The following LARGE1 variants were observed in gnomAD, a reference collection of about 807,000 sequenced individuals.
The protein encoded by LARGE1 is LARGE xylosyl- and glucuronyltransferase 1, also known as xylosyl- and glucuronyltransferase LARGE1.
Under a neutral mutation model 87.6 loss-of-function variants are expected in LARGE1, and 43 were observed. That is an observed-to-expected ratio of 0.49 (90% CI 0.38 to 0.63). LARGE1 has a LOEUF of 0.63. Among genes scored for constraint, LARGE1 ranks in the 30% least tolerant of loss-of-function variants. LARGE1 has a pLI of 0.00. For synonymous variants in LARGE1, 434 were observed against 394.6 expected (o/e 1.10, Z -1.18); for missense variants, 802 against 1,000.2 (o/e 0.80, Z 2.67).
At chr22:33,798,079 C>T (rs2086041564) in intron 1 of LARGE1, among the ~76,000 whole-genome samples, 1 of 152,158 alleles carries the variant, frequency 6.6e-6, no homozygotes, top group Admixed American at 6.5e-5. Flanking sequence ...TTGAGACCAG[C>T]CTGGCCAACA....
intron 6 of LARGE1, among the ~76,000 whole-genome samples, chr22:33,530,080 T>C (rs1448824429): frequency 6.6e-6 from 1 of 152,172 alleles, no homozygotes; most frequent in Non-Finnish European, 1.5e-5. Flanking sequence ...CTATCAGATG[T>C]AAAGAGAAGT....
chr22:33,627,319 T>A (rs993013068), intron 3 of LARGE1, among the ~76,000 whole-genome samples: 1 of 152,188 alleles, frequency 6.6e-6, no homozygotes, highest in Non-Finnish European at 1.5e-5. Context: ...GACATCATTA[T>A]CCAGCCTCGG....
chr22:33,791,952 T>G (rs954101205), intron 1 of LARGE1, among the ~76,000 whole-genome samples: 2 of 152,250 alleles, frequency 1.3e-5, no homozygotes, highest in Non-Finnish European at 2.9e-5. Context: ...CCTCGTTTAC[T>G]ACTCACAACA....
chr22:33,374,069 A>T (rs9619343), intron 9 of LARGE1, among the ~76,000 whole-genome samples: 1,681 of 151,426 alleles, frequency 0.011, 24 homozygotes, highest in African/African-American at 0.032. Flanking sequence ...GCTTTTCTTG[A>T]CATGTCGGAA....
chr22:33,904,584 T>TA (rs746562199), intron 1 of LARGE1, among the ~76,000 whole-genome samples: 2 of 152,064 alleles, frequency 1.3e-5, no homozygotes, highest in Non-Finnish European at 2.9e-5. Context: ...ACCAAGCCAA[T>TA]ACAGAAGAAG....
intron 1 of LARGE1, among the ~76,000 whole-genome samples, chr22:33,872,778 A>G (rs896648101): frequency 2.6e-5 from 4 of 152,046 alleles, no homozygotes; most frequent in African/African-American, 9.7e-5. Context: ...CGGGTGGATG[A>G]CCTGAGGTCA....
chr22:33,894,235 C>T (rs2065076334), intron 1 of LARGE1, among the ~76,000 whole-genome samples: 2 of 152,170 alleles, frequency 1.3e-5, no homozygotes, highest in Admixed American at 1.3e-4. Flanking sequence ...TAAATCTTGG[C>T]TGCCTATGCA....
intron 2 of LARGE1, among the ~76,000 whole-genome samples, chr22:33,755,660 T>C (rs1488971834): frequency 1.3e-5 from 2 of 152,034 alleles, no homozygotes; most frequent in Admixed American, 1.3e-4. Flanking sequence ...CACGACCAAA[T>C]GAAAGGAGCC....
chr22:33,783,345 A>G (rs1012614778), intron 1 of LARGE1, among the ~76,000 whole-genome samples: 13 of 152,178 alleles, frequency 8.5e-5, no homozygotes, highest in African/African-American at 2.9e-4. Flanking sequence ...GCGGTGGATC[A>G]CCTGAGGTCA....
chr22:33,696,086 G>A (rs2082236953), intron 2 of LARGE1, among the ~76,000 whole-genome samples: 1 of 152,128 alleles, frequency 6.6e-6, no homozygotes, highest in Non-Finnish European at 1.5e-5. Context: ...CGCTTGGTGA[G>A]TGGCATACCA....
chr22:33,428,071 A>C (rs1170809295), intron 7 of LARGE1, among the ~76,000 whole-genome samples: 3 of 152,194 alleles, frequency 2.0e-5, no homozygotes, highest in East Asian at 1.9e-4. Context: ...ACACCTGGGG[A>C]AAGTAAAATA....
intron 13 of LARGE1, 36 bp from the exon 14 acceptor site, chr22:33,277,291 A>G: frequency 1.3e-6 from 2 of 1,598,668 alleles, no homozygotes; most frequent in Admixed American, 1.7e-5. Flanking sequence ...GGGTGTAGGG[A>G]AGGAAGCCAA....
chr22:33,252,537 T>C (rs562011520), intron 11 of LARGE1, among the ~76,000 whole-genome samples: 1 of 152,350 alleles, frequency 6.6e-6, no homozygotes, highest in South Asian at 2.1e-4. Flanking sequence ...GGAAGTGTCC[T>C]CTTCAAGATA....
chr22:33,114,865 G>A, the LARGE1 span, among the ~76,000 whole-genome samples: 109 of 152,288 alleles, frequency 7.2e-4, no homozygotes, highest in Non-Finnish European at 2.9e-4. Flanking sequence ...AAAAGACTTA[G>A]TAATTTAAAA....
At chr22:33,458,176 G>A (rs5754563) in intron 6 of LARGE1, among the ~76,000 whole-genome samples, 26,699 of 148,462 alleles carry the variant, frequency 0.18, 2,469 homozygotes, top group East Asian at 0.27. Context: ...GCATGATCTC[G>A]GCTCACTGCA....
chr22:33,651,966 G>A (rs982195665), intron 2 of LARGE1, among the ~76,000 whole-genome samples: 4 of 152,144 alleles, frequency 2.6e-5, no homozygotes, highest in South Asian at 2.1e-4. Flanking sequence ...GAGGTCAGGA[G>A]ATCGAGACCA....
At chr22:33,408,136 ACGC>A (rs1275521008) in intron 7 of LARGE1, among the ~76,000 whole-genome samples, 4 of 151,854 alleles carry the variant, frequency 2.6e-5, no homozygotes, top group African/African-American at 9.7e-5. Context: ...GTGCAACACC[ACGC>A]CCAGCTAATT....
chr22:33,490,509 C>G (rs11912191), intron 6 of LARGE1, among the ~76,000 whole-genome samples: 1 of 152,238 alleles, frequency 6.6e-6, no homozygotes, highest in Non-Finnish European at 1.5e-5. Context: ...ACTATTACTA[C>G]TCTAAATAGA....
chr22:33,324,884 G>A (rs1020690673), intron 10 of LARGE1, among the ~76,000 whole-genome samples: 1 of 151,562 alleles, frequency 6.6e-6, no homozygotes, highest in African/African-American at 2.4e-5. Flanking sequence ...CTAAAGTGAC[G>A]CTCAAGGATC....
Sources: allele counts gnomAD v4.1 joint callset (sites outside exome capture counted in the v4.1 genomes callset), GRCh38; gene constraint gnomAD v4.1.1; transcripts MANE v1.5; gene names NCBI Gene and HGNC (gene_info 2026-07-23, HGNC 2026-07-21).